The following PHF20 variants were observed in gnomAD, a reference collection of about 807,000 sequenced individuals.
PHF20 encodes PHD finger protein 20, also known as glioma-expressed antigen 2.
Under a neutral mutation model 113.5 loss-of-function variants are expected in PHF20, and 23 were observed. The ratio of observed to expected loss-of-function variants is 0.20; its 90% confidence interval spans 0.15 to 0.29. The LOEUF is 0.29. Among genes scored for constraint, PHF20 ranks in the 10% least tolerant of loss-of-function variants. The pLI is 1.00. For missense variants in PHF20, 943 were observed against 1,219.6 expected (o/e 0.77, Z 3.38); for synonymous variants, 434 against 457.3 (o/e 0.95, Z 0.65).
intron 13 of PHF20, among the ~76,000 whole-genome samples, chr20:35,925,261 T>C (rs1298763301): frequency 7.4e-6 from 1 of 135,040 alleles, no homozygotes; most frequent in South Asian, 2.2e-4. Context: ...TTATTGAGAC[T>C]TTTTTTTTTT....
chr20:35,917,367 T>C (rs2055423692), intron 12 of PHF20, 117 bp from the exon 13 acceptor site: 2 of 916,256 alleles, frequency 2.2e-6, no homozygotes, highest in Non-Finnish European at 3.5e-6. Context: ...TTCCTTGCCC[T>C]ATGAATGTTC....
chr20:35,947,064 C>A (rs981571736), intron 17 of PHF20, among the ~76,000 whole-genome samples: 1 of 152,198 alleles, frequency 6.6e-6, no homozygotes. Context: ...CCTTCCAAGA[C>A]TTCTAGACTC....
chr20:35,896,454 T>G (rs2054986114), intron 9 of PHF20, among the ~76,000 whole-genome samples: 1 of 152,064 alleles, frequency 6.6e-6, no homozygotes, highest in Non-Finnish European at 1.5e-5. Flanking sequence ...CTTAATGTGA[T>G]TTTTTGTTGG....
At chr20:35,803,194 T>C (rs1326037871) in intron 2 of PHF20, among the ~76,000 whole-genome samples, 4 of 145,208 alleles carry the variant, frequency 2.8e-5, no homozygotes, top group Non-Finnish European at 4.5e-5. Flanking sequence ...GGAGGCTGCA[T>C]TGAGCCAAGA....
At chr20:35,869,926 G>A (rs926520803) in intron 7 of PHF20, among the ~76,000 whole-genome samples, 1 of 152,136 alleles carries the variant, frequency 6.6e-6, no homozygotes, top group African/African-American at 2.4e-5. Flanking sequence ...TTGGGAGGCT[G>A]AGGTGGGTGG....
chr20:35,932,622 G>A (rs970411789), intron 15 of PHF20, among the ~76,000 whole-genome samples: 3 of 150,020 alleles, frequency 2.0e-5, no homozygotes, highest in Non-Finnish European at 4.4e-5. Flanking sequence ...GTAGAGACAG[G>A]GTTTCACCAT....
intron 16 of PHF20, 25 bp downstream of exon 16, chr20:35,939,133 C>T (rs1431508643): frequency 1.3e-6 from 2 of 1,557,536 alleles, no homozygotes; most frequent in South Asian, 2.4e-5. Context: ...TGTACTTGTT[C>T]TTCATTCATT....
intron 9 of PHF20, among the ~76,000 whole-genome samples, chr20:35,890,873 C>G (rs1369779980): frequency 6.6e-6 from 1 of 152,094 alleles, no homozygotes; most frequent in Non-Finnish European, 1.5e-5. Flanking sequence ...GAGAGTGAGA[C>G]TCTGTCTCAA....
chr20:35,916,155 A>G (rs1217754262), intron 12 of PHF20, among the ~76,000 whole-genome samples: 1 of 152,264 alleles, frequency 6.6e-6, no homozygotes, highest in Non-Finnish European at 1.5e-5. Context: ...TAAAATAAAA[A>G]TAATAAAAAG....
At chr20:35,933,516 C>T (rs2055804556) in intron 15 of PHF20, among the ~76,000 whole-genome samples, 1 of 152,056 alleles carries the variant, frequency 6.6e-6, no homozygotes. Flanking sequence ...CCTGCCTCAG[C>T]CTCCCGAGTA....
Position 35,897,559 on chromosome 20 carries a change from C to CTTTTTTTTTTTTTTT in PHF20, c.1283-1802_1283-1788dup, listed in dbSNP as rs150122625. On this transcript the variant is annotated intron_variant, in intron 9 of 17. Transcript: ENST00000374012. ...AACTTATTCCTCCTATTCTGGATCC[C>CTTTTTTTTTTTTTTT]TTTTTTTTTTTTTTTTTTTTTTTCT... 2.8e-5 allele frequency among the ~76,000 whole-genome samples: 3 copies of CTTTTTTTTTTTTTTT among 107,684 alleles called. 1 individual carries two copies. The allele number at this position is 107,684 out of a possible 152,430, so 70.6% of individuals were successfully genotyped here. A position where few individuals can be genotyped will look rare whatever the true frequency, so the allele number is the denominator to read the frequency against.
chr20:35,936,809 C>T (rs1422252776), intron 15 of PHF20, among the ~76,000 whole-genome samples: 1 of 152,026 alleles, frequency 6.6e-6, no homozygotes, highest in East Asian at 1.9e-4. Flanking sequence ...AGCACTTTAC[C>T]ACCATTAATT....
intron 4 of PHF20, chr20:35,850,851 G>T: frequency 8.7e-7 from 1 of 1,154,952 alleles, no homozygotes. Flanking sequence ...GCTCTGCCTT[G>T]CCATTGTTTG....
At chr20:35,826,563 G>A (rs2146911182) in intron 2 of PHF20, among the ~76,000 whole-genome samples, 1 of 152,264 alleles carries the variant, frequency 6.6e-6, no homozygotes, top group South Asian at 2.1e-4. Flanking sequence ...AGGGGGAGAA[G>A]GCAGAAGGAA....
At chr20:35,872,766 G>C (rs1448766038) in intron 9 of PHF20, among the ~76,000 whole-genome samples, 6 of 152,104 alleles carry the variant, frequency 3.9e-5, no homozygotes, top group African/African-American at 1.4e-4. Flanking sequence ...ATACTCTGTA[G>C]GATTTCAATC....
intron 2 of PHF20, among the ~76,000 whole-genome samples, chr20:35,820,944 G>A (rs1190026019): frequency 1.3e-5 from 2 of 152,020 alleles, no homozygotes; most frequent in South Asian, 4.1e-4. Flanking sequence ...AAGCCCTGGC[G>A]TAGGAGCAAG....
At chr20:35,908,819 T>C (rs1251385621) in intron 10 of PHF20, among the ~76,000 whole-genome samples, 1 of 152,246 alleles carries the variant, frequency 6.6e-6, no homozygotes, top group Non-Finnish European at 1.5e-5. Context: ...TATTTCTTTA[T>C]TTCAAATTCC....
intron 1 of PHF20, among the ~76,000 whole-genome samples, chr20:35,788,557 T>C (rs2041472561): frequency 6.6e-6 from 1 of 151,598 alleles, no homozygotes; most frequent in African/African-American, 2.4e-5. Context: ...TTTATTTCCA[T>C]TTTGCCAGTG....
intron 5 of PHF20, among the ~76,000 whole-genome samples, chr20:35,860,821 A>G (rs1244291872): frequency 6.6e-6 from 1 of 152,188 alleles, no homozygotes; most frequent in Non-Finnish European, 1.5e-5. Context: ...TTGGCAGGTT[A>G]TATCCAGAAC....
Sources: allele counts gnomAD v4.1 joint callset (sites outside exome capture counted in the v4.1 genomes callset), GRCh38; gene constraint gnomAD v4.1.1; transcripts MANE v1.5; gene names NCBI Gene and HGNC (gene_info 2026-07-23, HGNC 2026-07-21).